COL15A1: variants seen among roughly 807,000 people sequenced by gnomAD.
The protein encoded by COL15A1 is collagen type XV alpha 1 chain.
COL15A1 carries 111 observed loss-of-function variants against 165.9 expected under a neutral mutation model. The ratio of observed to expected loss-of-function variants is 0.67; its 90% CI spans 0.57 to 0.78. The LOEUF is 0.78. COL15A1 is among the 30% of genes least tolerant of loss of function. COL15A1 has a pLI of 0.00. For missense variants in COL15A1, 1,745 were observed against 1,789.7 expected (o/e 0.98, Z 0.45); for synonymous variants, 659 against 674.8 (o/e 0.98, Z 0.36).
At chr9:99,046,463 C>T (rs750600782) in intron 26 of COL15A1, among the ~76,000 whole-genome samples, 11 of 152,108 alleles carry the variant, frequency 7.2e-5, no homozygotes, top group South Asian at 4.1e-4. Flanking sequence ...TCCATTCTCA[C>T]GCTGCTATGA....
intron 19 of COL15A1, 89 bp from the exon 20 acceptor site, chr9:99,036,080 TA>T: frequency 9.0e-7 from 1 of 1,112,372 alleles, no homozygotes; most frequent in Non-Finnish European, 1.4e-6. Context: ...AAAATAAGCA[TA>T]AAAGCTTAGG....
At chr9:99,019,138 A>T (rs893842885) in intron 11 of COL15A1, among the ~76,000 whole-genome samples, 1 of 152,200 alleles carries the variant, frequency 6.6e-6, no homozygotes, top group African/African-American at 2.4e-5. Flanking sequence ...GTCTAAAAGC[A>T]CAAGATTGTC....
chr9:99,046,167 C>G (rs1839488769), intron 26 of COL15A1, among the ~76,000 whole-genome samples: 1 of 152,240 alleles, frequency 6.6e-6, no homozygotes, highest in South Asian at 2.1e-4. Flanking sequence ...CCAGCTTGGA[C>G]ACAGCTTGCC....
At chr9:99,067,950 C>T (rs1018610635) in intron 40 of COL15A1, among the ~76,000 whole-genome samples, 1 of 152,060 alleles carries the variant, frequency 6.6e-6, no homozygotes, top group Non-Finnish European at 1.5e-5. Flanking sequence ...TTCAAAATAA[C>T]AATAATAAAA....
intron 16 of COL15A1, among the ~76,000 whole-genome samples, chr9:99,033,038 T>C (rs146743152): frequency 0.014 from 2,185 of 152,360 alleles, 27 homozygotes; most frequent in Middle Eastern, 0.048. Flanking sequence ...TGTAGTTGAC[T>C]TAGTTGTTTC....
At chr9:98,984,742 G>C (rs1838281754) in intron 2 of COL15A1, among the ~76,000 whole-genome samples, 1 of 152,162 alleles carries the variant, frequency 6.6e-6, no homozygotes, top group Non-Finnish European at 1.5e-5. Context: ...CACACTCAGA[G>C]GCACTTAAAC....
chr9:99,059,939 G>A lies in COL15A1; in HGVS notation c.3388G>A (p.Gly1130Arg), dbSNP rs201822412. Reference protein sequence around the residue: ...PGPPGQPGLPGSRNLVTAFSN... With the variant: ...PGPPGQPGLPRSRNLVTAFSN... ...CCCTCCAGGACAGCCAGGGCTTCCC[G>A]GATCCAGAAACCTGGTCAGTATTAT... Residue 1130 changes from glycine (G) to arginine (R), a missense_variant, in exon 36 of 42, where the codon GGA (glycine) becomes AGA (arginine). Transcript: ENST00000375001. 2.2e-5 allele frequency: 35 copies of A among 1,613,884 alleles called. No individual in the cohort carries two copies. In the Admixed American group the frequency reaches 3.5e-4, roughly 16 times the overall value.
chr9:99,048,658 C>T (rs549758342), intron 28 of COL15A1, among the ~76,000 whole-genome samples: 6 of 151,696 alleles, frequency 4.0e-5, no homozygotes, highest in Non-Finnish European at 8.8e-5. Flanking sequence ...CGTCATTTAG[C>T]ATTAGGTATA....
chr9:99,042,941 G>GTGTGCCAGGCAGTTTCC (rs1171032877), intron 24 of COL15A1, among the ~76,000 whole-genome samples: 1 of 152,176 alleles, frequency 6.6e-6, no homozygotes, highest in Non-Finnish European at 1.5e-5. Flanking sequence ...GACCCGTGTG[G>GTGTGCCAGGCAGTTTCC]TGTGCCAGGC....
intron 23 of COL15A1, 80 bp downstream of exon 23, chr9:99,040,636 C>T (rs1338175249): frequency 1.2e-6 from 2 of 1,612,538 alleles, no homozygotes; most frequent in African/African-American, 2.7e-5. Context: ...ATGGCATTTC[C>T]TCCATCTATG....
chr9:99,024,987 A>G lies in COL15A1; in HGVS notation c.1968A>G (p.Glu656=). Residue 656 remains glutamate (E), a synonymous_variant, in exon 15 of 42, where the codon GAA becomes GAG. Transcript: ENST00000375001. ...GSPGEDGPAG[E]PGPPGPEGQP... ...CTGGAGAGGATGGACCTGCTGGTGAACCTGGGCCCCCGGTGAGCAACTGAA... is the reference window on the plus strand; with the variant it reads ...CTGGAGAGGATGGACCTGCTGGTGAGCCTGGGCCCCCGGTGAGCAACTGAA... 6.2e-7 allele frequency: 1 copy of G among 1,612,720 alleles called. No individual in the cohort carries two copies. Among genetic ancestry groups the G allele is most frequent in the East Asian group, 2.2e-5 (1 of 44,816 alleles).
chr9:99,054,700 C>T (rs1303794653), intron 32 of COL15A1, 44 bp downstream of exon 32: 3 of 1,580,340 alleles, frequency 1.9e-6, no homozygotes, highest in African/African-American at 2.7e-5. Flanking sequence ...ATTTTTTGCT[C>T]CTGAGAACAA....
intron 8 of COL15A1, among the ~76,000 whole-genome samples, chr9:99,004,001 G>T (rs1022479647): frequency 1.3e-5 from 2 of 152,186 alleles, no homozygotes; most frequent in African/African-American, 4.8e-5. Context: ...CCTAGCAGAG[G>T]GGGTGGAACA....
At chr9:98,968,836 C>T (rs528538649) in intron 2 of COL15A1, among the ~76,000 whole-genome samples, 15 of 152,320 alleles carry the variant, frequency 9.8e-5, no homozygotes, top group African/African-American at 3.6e-4. Context: ...AGCTGACTCC[C>T]AGGTTCCAGC....
intron 11 of COL15A1, among the ~76,000 whole-genome samples, chr9:99,019,012 A>G (rs770823634): frequency 3.3e-5 from 5 of 152,192 alleles, no homozygotes; most frequent in Admixed American, 1.3e-4. Flanking sequence ...AGAGTTAGAG[A>G]TAGAATGAGA....
intron 18 of COL15A1, 84 bp from the exon 19 acceptor site, chr9:99,035,266 A>G (rs1839281026): frequency 6.2e-7 from 1 of 1,605,624 alleles, no homozygotes; most frequent in Admixed American, 1.7e-5. Context: ...TTCCCCTGTG[A>G]GCCGCCAGCT....
chr9:99,040,402 C>T (rs1046044386), intron 22 of COL15A1, 119 bp from the exon 23 acceptor site: 6 of 1,525,376 alleles, frequency 3.9e-6, no homozygotes, highest in East Asian at 2.3e-5. Flanking sequence ...TGTGTCAATC[C>T]GTCTTCCCAG....
intron 6 of COL15A1, 117 bp downstream of exon 6, chr9:98,997,198 A>G: frequency 7.7e-7 from 1 of 1,294,504 alleles, no homozygotes; most frequent in South Asian, 1.5e-5. Flanking sequence ...TCAACCCTTT[A>G]AGAAAGGGTG....
intron 15 of COL15A1, 114 bp from the exon 16 acceptor site, chr9:99,025,790 C>T: frequency 1.8e-5 from 19 of 1,085,318 alleles, no homozygotes; most frequent in Non-Finnish European, 2.5e-5. Flanking sequence ...TGACATGAGG[C>T]CCTGGGCCCA....
Sources: allele counts gnomAD v4.1 joint callset (sites outside exome capture counted in the v4.1 genomes callset), GRCh38; gene constraint gnomAD v4.1.1; transcripts MANE v1.5; gene names NCBI Gene and HGNC (gene_info 2026-07-23, HGNC 2026-07-21).